AHCTF1: variants seen among roughly 807,000 people sequenced by gnomAD.
AHCTF1 encodes AT-hook containing transcription factor 1.
A neutral mutation model predicts 248.4 loss-of-function variants in AHCTF1; 24 were observed. The ratio of observed to expected loss-of-function variants is 0.10; its 90% CI spans 0.07 to 0.14. The LOEUF (loss-of-function observed/expected upper bound fraction) is 0.14, where lower values mean the gene tolerates loss of function less well. Among genes scored for constraint, AHCTF1 ranks in the 10% least tolerant of loss-of-function variants. The pLI is 1.00. For missense variants in AHCTF1, 2,206 were observed against 2,636.2 expected, an observed-to-expected ratio of 0.84 and a Z score of 3.57; for synonymous variants, 786 against 929.8, an observed-to-expected ratio of 0.85 and a Z score of 2.81.
intron 23 of AHCTF1, among the ~76,000 whole-genome samples, 182 bp downstream of exon 23, chr1:246,876,768 A>C (rs1372815735): frequency 2.6e-5 from 4 of 152,184 alleles, no homozygotes; most frequent in Middle Eastern, 3.2e-3. Flanking sequence ...GGCATACGTA[A>C]AAGAATTACG....
intron 24 of AHCTF1, among the ~76,000 whole-genome samples, chr1:246,868,842 TTTTG>T (rs1160409786): frequency 1.9e-5 from 2 of 106,826 alleles, no homozygotes; most frequent in Non-Finnish European, 1.7e-5. Flanking sequence ...TGTGTGTGTT[TTTTG>T]TTTTTTTTTT....
chr1:246,926,820 C>T (rs1161931792), intron 1 of AHCTF1, among the ~76,000 whole-genome samples: 2 of 151,976 alleles, frequency 1.3e-5, no homozygotes, highest in East Asian at 3.9e-4. Flanking sequence ...TGCACCATTG[C>T]ACTCCAGCCT....
In AHCTF1 at chr1:246,918,358, T is replaced by G. The variant is rs751362444; in HGVS notation, c.13A>C (p.Arg5=). 2.5e-6 allele frequency: 4 copies of G among 1,611,780 alleles called. No individual in the cohort carries two copies. Among genetic ancestry groups the G allele is most frequent in the Non-Finnish European group, 3.4e-6 (4 of 1,178,944 alleles). MRDL[R]AQVTSGLLPF... ...AGGAGACCACTAGTCACTTGAGCTC[T>G]TAAGTCTCGCATACTTCCACTGTAA... Residue 5 remains arginine (R), a synonymous_variant, in exon 2 of 36, where the codon AGA becomes CGA. Coordinates refer to ENST00000648844, the MANE Select transcript of AHCTF1 (RefSeq NM_001323342.2).
intron 1 of AHCTF1, among the ~76,000 whole-genome samples, chr1:246,923,065 A>T (rs1422031359): frequency 6.7e-6 from 1 of 149,410 alleles, no homozygotes; most frequent in Non-Finnish European, 1.5e-5. Context: ...TACTAAATAC[A>T]ACCAAAGGAG....
chr1:246,850,774 T>G lies in AHCTF1; in HGVS notation c.5232A>C (p.Gln1744His), dbSNP rs750663479. 6 of 1,613,902 alleles carry G rather than the reference T, an allele frequency of 3.7e-6. No individual in the cohort carries two copies. The highest frequency in any genetic ancestry group is 5.1e-6 in the Non-Finnish European group (6 of 1,179,830). Residue 1744 changes from glutamine (Q) to histidine (H), a missense_variant, in exon 33 of 36, where the codon CAA (glutamine) becomes CAC (histidine). Coordinates refer to ENST00000648844, the MANE Select transcript of AHCTF1 (RefSeq NM_001323342.2). ...ATTTGACATTCACGTTTTGGATACGTTGACCTCTCGTACGAGTTTTGGAGG... is the reference window on the plus strand; with the variant it reads ...ATTTGACATTCACGTTTTGGATACGGTGACCTCTCGTACGAGTTTTGGAGG... Reference protein sequence around the residue: ...VVSSKTRTRGQRIQNVNVKSA... With the variant: ...VVSSKTRTRGHRIQNVNVKSA...
Position 246,875,159 on chromosome 1 carries a change from G to T in AHCTF1, c.3088+878C>A, listed in dbSNP as rs117423076. Among the ~76,000 whole-genome samples the T allele has an allele frequency of 1.5e-3, 225 of 152,198 alleles. 3 individuals carry two copies. The East Asian group carries it at 0.026, about 18-fold the overall frequency. On this transcript the variant is annotated intron_variant, in intron 24 of 35. Transcript: ENST00000648844. Reference sequence around the variant, plus strand: ...ACCTATATACTGACATAGTAACTAAGTCTACACAACTGGGACCACTCCCTT... The same window carrying T: ...ACCTATATACTGACATAGTAACTAATTCTACACAACTGGGACCACTCCCTT...
chr1:246,922,961 C>A (rs141764038), intron 1 of AHCTF1, among the ~76,000 whole-genome samples: 3,064 of 118,674 alleles, frequency 0.026, 148 homozygotes, highest in African/African-American at 0.094. Context: ...CTAGCCTGGG[C>A]GACAGAGCGA....
chr1:246,908,723 T>TAAAA (rs35110822), intron 4 of AHCTF1, among the ~76,000 whole-genome samples: 3 of 106,866 alleles, frequency 2.8e-5, no homozygotes, highest in Non-Finnish European at 5.9e-5. Flanking sequence ...CAGTCTCTAC[T>TAAAA]AAAAAAAAAA....
rs145670190 is a variant in AHCTF1, at chr1:246,899,098, A to G, written c.1494+353T>C. Among the ~76,000 whole-genome samples, 181 of 152,272 alleles carry G rather than the reference A, an allele frequency of 1.2e-3. 1 individual carries two copies. The highest frequency in any genetic ancestry group is 4.2e-3 in the African/African-American group (175 of 41,566). On this transcript the variant is annotated intron_variant, in intron 11 of 35. Transcript: ENST00000648844. ...GAGCGAAACTCCGTCTCAAAAAGAG[A>G]AAAGTATTTTTCAAAATTCTTTTTT...
intron 10 of AHCTF1, 64 bp downstream of exon 10, chr1:246,900,001 C>T (rs1163187371): frequency 2.8e-5 from 40 of 1,443,204 alleles, no homozygotes; most frequent in South Asian, 1.6e-4. Flanking sequence ...AACTACACAA[C>T]GTATACATTT....
intron 1 of AHCTF1, among the ~76,000 whole-genome samples, chr1:246,923,084 A>C (rs1195259329): frequency 6.7e-6 from 1 of 149,200 alleles, no homozygotes; most frequent in Non-Finnish European, 1.5e-5. Context: ...AGAATGAAGA[A>C]GAAGTTATTT....
intron 24 of AHCTF1, among the ~76,000 whole-genome samples, chr1:246,869,188 G>A (rs1662357749): frequency 6.6e-6 from 1 of 152,036 alleles, no homozygotes; most frequent in South Asian, 2.1e-4. Flanking sequence ...TGGCAACCCT[G>A]TGTCCAGCAA....
intron 22 of AHCTF1, 28 bp downstream of exon 22, chr1:246,877,130 T>C (rs1214774995): frequency 6.2e-7 from 1 of 1,612,366 alleles, no homozygotes; most frequent in Non-Finnish European, 8.5e-7. Flanking sequence ...CTTGAATTTC[T>C]GACAAGTTTA....
intron 25 of AHCTF1, 124 bp from the exon 26 acceptor site, chr1:246,867,475 A>G: frequency 3.0e-6 from 3 of 997,572 alleles, no homozygotes; most frequent in Non-Finnish European, 4.4e-6. Context: ...CTTACAAATA[A>G]TAATGAACAT....
intron 21 of AHCTF1, among the ~76,000 whole-genome samples, chr1:246,884,341 T>C (rs909115071): frequency 2.6e-5 from 4 of 152,188 alleles, no homozygotes; most frequent in African/African-American, 9.6e-5. Context: ...TTCTTCTGCC[T>C]GAAATTTGTA....
At chr1:246,908,613 C>T (rs1014465636) in intron 4 of AHCTF1, among the ~76,000 whole-genome samples, 2 of 151,606 alleles carry the variant, frequency 1.3e-5, no homozygotes, top group African/African-American at 4.9e-5. Flanking sequence ...TTAGGCCGGG[C>T]ACGGTGGCTC....
chr1:246,927,139 C>T (rs1312864410), intron 1 of AHCTF1, among the ~76,000 whole-genome samples: 2 of 150,484 alleles, frequency 1.3e-5, no homozygotes, highest in Non-Finnish European at 3.0e-5. Context: ...GATCGTGCCA[C>T]TGCACTCCAG....
chr1:246,877,556 T>C (rs1173672902), intron 21 of AHCTF1, among the ~76,000 whole-genome samples: 1 of 152,036 alleles, frequency 6.6e-6, no homozygotes, highest in Non-Finnish European at 1.5e-5. Context: ...AGACAAAAAT[T>C]CAAAGAAGAC....
At chr1:246,866,906 T>C (rs1447033462) in intron 26 of AHCTF1, among the ~76,000 whole-genome samples, 4 of 152,144 alleles carry the variant, frequency 2.6e-5, no homozygotes, top group African/African-American at 9.7e-5. Context: ...TTCAATGAGC[T>C]ACCCAAGATT....
Sources: gnomAD v4.1 joint callset for allele counts (sites outside exome capture counted in the v4.1 genomes callset) on GRCh38, gnomAD v4.1.1 for gene constraint, MANE v1.5 for transcripts, NCBI Gene and HGNC (gene_info 2026-07-23, HGNC 2026-07-21) for gene names.